The following CNTNAP5 variants were observed in gnomAD, a reference collection of about 807,000 sequenced individuals.
The protein encoded by CNTNAP5 is contactin associated protein family member 5.
In CNTNAP5, 72 loss-of-function variants were observed where a neutral mutation model predicts 150.2. The ratio of observed to expected loss-of-function variants is 0.48; its 90% CI spans 0.40 to 0.58. The LOEUF is 0.58. Ranked by LOEUF, CNTNAP5 falls within the 20% of genes least tolerant of loss-of-function variation. The pLI, the probability that CNTNAP5 is intolerant of heterozygous loss-of-function variation, is 0.00. For synonymous variants in CNTNAP5, 672 were observed against 619.8 expected, an observed-to-expected ratio of 1.08 and a Z score of -1.25; for missense variants, 1,636 against 1,626.2, an observed-to-expected ratio of 1.01 and a Z score of -0.10.
chr2:124,348,155 T>C (rs1471345497), intron 3 of CNTNAP5, among the ~76,000 whole-genome samples: 1 of 152,176 alleles, frequency 6.6e-6, no homozygotes, highest in Non-Finnish European at 1.5e-5. Context: ...AAGTCTTATC[T>C]TTATTTTGTT....
chr2:124,818,013 C>T (rs1210704969), intron 19 of CNTNAP5, among the ~76,000 whole-genome samples: 1 of 152,214 alleles, frequency 6.6e-6, no homozygotes, highest in Non-Finnish European at 1.5e-5. Context: ...AGTTCCACCA[C>T]TGCCCCGTGT....
At chr2:124,238,905 G>A (rs1329729401) in intron 2 of CNTNAP5, among the ~76,000 whole-genome samples, 3 of 152,100 alleles carry the variant, frequency 2.0e-5, no homozygotes, top group Non-Finnish European at 4.4e-5. Flanking sequence ...GGCAACCCTG[G>A]GTGTCTTCCC....
At chr2:124,067,537 C>T (rs1682191713) in intron 1 of CNTNAP5, among the ~76,000 whole-genome samples, 1 of 152,208 alleles carries the variant, frequency 6.6e-6, no homozygotes, top group African/African-American at 2.4e-5. Context: ...GGATAATCTT[C>T]CCATCTCAAT....
intron 13 of CNTNAP5, among the ~76,000 whole-genome samples, chr2:124,696,975 C>A (rs1679418206): frequency 6.6e-6 from 1 of 152,048 alleles, no homozygotes; most frequent in Non-Finnish European, 1.5e-5. Flanking sequence ...TTCTTTCAGC[C>A]TTTTCATTGC....
chr2:124,647,661 T>G, intron 12 of CNTNAP5, 97 bp from the exon 13 acceptor site: 1 of 1,122,102 alleles, frequency 8.9e-7, no homozygotes, highest in Non-Finnish European at 1.3e-6. Flanking sequence ...GAGTGTTGAT[T>G]AATGTTGCAC....
intron 1 of CNTNAP5, among the ~76,000 whole-genome samples, chr2:124,210,625 T>C (rs1384943072): frequency 6.6e-6 from 1 of 152,136 alleles, no homozygotes; most frequent in Non-Finnish European, 1.5e-5. Flanking sequence ...CAATTCTCTA[T>C]CCCCATCTCC....
chr2:124,713,446 C>T (rs183346132), intron 13 of CNTNAP5, among the ~76,000 whole-genome samples: 10 of 149,270 alleles, frequency 6.7e-5, no homozygotes, highest in South Asian at 4.3e-4. Flanking sequence ...GATGCCATCT[C>T]GGCTCACTGA....
At chr2:124,760,405 C>A (rs913937878) in intron 14 of CNTNAP5, among the ~76,000 whole-genome samples, 2 of 152,000 alleles carry the variant, frequency 1.3e-5, no homozygotes, top group Non-Finnish European at 2.9e-5. Context: ...AACCAAAATT[C>A]GTTGATGAAA....
intron 19 of CNTNAP5, among the ~76,000 whole-genome samples, chr2:124,820,523 T>A (rs1220818124): frequency 2.1e-5 from 3 of 140,918 alleles, no homozygotes; most frequent in South Asian, 2.3e-4. Flanking sequence ...AAGAAGGAAA[T>A]GACACAAAGG....
At chr2:124,655,942 AGAG>A (rs1558722400) in intron 13 of CNTNAP5, among the ~76,000 whole-genome samples, 1,656 of 102,558 alleles carry the variant, frequency 0.016, 12 homozygotes, top group African/African-American at 0.02. Context: ...AGAGAGAGAG[AGAG>A]AGAAAGAAAG....
chr2:124,207,885 C>T (rs777814684), intron 1 of CNTNAP5, among the ~76,000 whole-genome samples: 1 of 152,150 alleles, frequency 6.6e-6, no homozygotes, highest in Non-Finnish European at 1.5e-5. Flanking sequence ...TTTATCGATG[C>T]TTTTAAATTA....
chr2:124,287,042 A>C (rs901871147), intron 3 of CNTNAP5, among the ~76,000 whole-genome samples: 2 of 152,202 alleles, frequency 1.3e-5, no homozygotes, highest in Admixed American at 6.6e-5. Context: ...CTTCATGTCC[A>C]TCACACATGC....
chr2:124,361,310 A>G lies in CNTNAP5; in HGVS notation c.382-56133A>G, dbSNP rs1468810601. On this transcript the variant is annotated intron_variant, in intron 3 of 23. Transcript: ENST00000682447. ...ATCTGAAGCCTCCTTCTCTCAGCTC[A>G]TCAAAGTCATTCTCCATCCAGCTTT... 3.6e-4 allele frequency among the ~76,000 whole-genome samples: 52 copies of G among 144,756 alleles called. 6 individuals carry two copies. In the South Asian group the frequency reaches 7.4e-3, roughly 20 times the overall value. 95.0% of individuals were successfully genotyped at this position (144,756 alleles called of 152,430 possible).
chr2:124,502,692 T>C (rs1236350190), intron 7 of CNTNAP5, among the ~76,000 whole-genome samples: 1 of 152,218 alleles, frequency 6.6e-6, no homozygotes, highest in Non-Finnish European at 1.5e-5. Context: ...CCATCATTGG[T>C]GATGTTTTTA....
chr2:124,618,773 G>A (rs1677542809), intron 12 of CNTNAP5, among the ~76,000 whole-genome samples: 1 of 152,168 alleles, frequency 6.6e-6, no homozygotes, highest in Non-Finnish European at 1.5e-5. Flanking sequence ...AACGTCTGGG[G>A]AAAATGATTA....
At chr2:124,859,202 A>T (rs1435361641) in intron 19 of CNTNAP5, among the ~76,000 whole-genome samples, 6 of 152,202 alleles carry the variant, frequency 3.9e-5, no homozygotes, top group Admixed American at 1.3e-4. Context: ...GAACTCAAAC[A>T]AATTTACAAG....
intron 2 of CNTNAP5, among the ~76,000 whole-genome samples, chr2:124,224,958 G>A (rs1285001854): frequency 2.0e-5 from 3 of 152,072 alleles, no homozygotes; most frequent in African/African-American, 7.2e-5. Context: ...CCTTTTTAAT[G>A]TGTCTTCCTT....
chr2:124,625,379 C>G (rs566858814), intron 12 of CNTNAP5, among the ~76,000 whole-genome samples: 1 of 151,954 alleles, frequency 6.6e-6, no homozygotes, highest in Non-Finnish European at 1.5e-5. Context: ...ACATTTAAGA[C>G]GCTATTTTCT....
chr2:124,327,083 C>T (rs1328481321), intron 3 of CNTNAP5, among the ~76,000 whole-genome samples: 5 of 147,082 alleles, frequency 3.4e-5, no homozygotes, highest in Non-Finnish European at 7.4e-5. Flanking sequence ...TGGGTTCAAG[C>T]GATTCTCCTG....
Sources: gnomAD v4.1 joint callset for allele counts (sites outside exome capture counted in the v4.1 genomes callset) on GRCh38, gnomAD v4.1.1 for gene constraint, MANE v1.5 for transcripts, NCBI Gene and HGNC (gene_info 2026-07-23, HGNC 2026-07-21) for gene names.